Variants in TRAF3IP3 observed in about 807,000 individuals in gnomAD.
TRAF3IP3 encodes the protein TRAF3 interacting protein 3.
In TRAF3IP3, 64 loss-of-function variants were observed where a neutral mutation model predicts 86.5. The ratio of observed to expected loss-of-function variants is 0.74; its 90% CI spans 0.60 to 0.91. The LOEUF (loss-of-function observed/expected upper bound fraction) is 0.91, where lower values mean the gene tolerates loss of function less well. Among genes scored for constraint, TRAF3IP3 ranks in the 40% least tolerant of loss-of-function variants. TRAF3IP3 has a pLI of 0.00. For missense variants in TRAF3IP3, 579 were observed against 642.9 expected, an observed-to-expected ratio of 0.90 and a Z score of 1.07; for synonymous variants, 220 against 243.9, an observed-to-expected ratio of 0.90 and a Z score of 0.91.
At chr1:209,763,635 T>C in intron 8 of TRAF3IP3, 48 bp downstream of exon 8, 1 of 1,460,230 alleles carries the variant, frequency 6.8e-7, no homozygotes, top group Non-Finnish European at 9.5e-7. Flanking sequence ...TTCTATGTGT[T>C]CCCATCTCAT....
intron 8 of TRAF3IP3, among the ~76,000 whole-genome samples, chr1:209,765,477 G>C (rs1412172887): frequency 6.6e-6 from 1 of 151,788 alleles, no homozygotes; most frequent in Non-Finnish European, 1.5e-5. Flanking sequence ...ACCAGCCTGG[G>C]CAACATGGCA....
chr1:209,763,660 C>A, intron 8 of TRAF3IP3, 73 bp downstream of exon 8: 1 of 1,261,716 alleles, frequency 7.9e-7, no homozygotes, highest in Non-Finnish European at 1.1e-6. Flanking sequence ...CTTTCCACAT[C>A]ATCACAGTAA....
At chr1:209,766,027 G>C (rs2077349626) in intron 8 of TRAF3IP3, among the ~76,000 whole-genome samples, 1 of 152,234 alleles carries the variant, frequency 6.6e-6, no homozygotes, top group Non-Finnish European at 1.5e-5. Flanking sequence ...GGTGGAAAGA[G>C]ATGGAGCACA....
intron 11 of TRAF3IP3, 41 bp from the exon 12 acceptor site, chr1:209,777,311 C>T: frequency 6.3e-7 from 1 of 1,581,534 alleles, no homozygotes. Context: ...TCCACCCCAA[C>T]ACTGACCTCC....
intron 1 of TRAF3IP3, among the ~76,000 whole-genome samples, chr1:209,757,095 G>A (rs1305462444): frequency 2.0e-5 from 3 of 152,194 alleles, no homozygotes; most frequent in Non-Finnish European, 4.4e-5. Flanking sequence ...AGAAACCTGG[G>A]TAGGGTTCTA....
At chr1:209,765,884 C>T (rs1287547565) in intron 8 of TRAF3IP3, among the ~76,000 whole-genome samples, 1 of 152,168 alleles carries the variant, frequency 6.6e-6, no homozygotes, top group Non-Finnish European at 1.5e-5. Flanking sequence ...TTGCTGATCC[C>T]TTAAAAGGGT....
In TRAF3IP3 at chr1:209,772,937, AT is replaced by A. The variant is rs766990938; in HGVS notation, c.703-8del. The A allele has an allele frequency of 2.5e-6, 4 of 1,613,368 alleles. No individual in the cohort carries two copies. Among genetic ancestry groups the A allele is most frequent in the Non-Finnish European group, 3.4e-6 (4 of 1,179,686 alleles). On this transcript the variant is annotated splice_polypyrimidine_tract_variant and intron_variant, in intron 8 of 16. Transcript: ENST00000367025. Reference sequence around the variant, plus strand: ...TGCCCCAAGCTCATTAACTCATCCCATTTGCTCCAGGGACAGCTTAATGAAG... The same window carrying A: ...TGCCCCAAGCTCATTAACTCATCCCATTGCTCCAGGGACAGCTTAATGAAG...
At chr1:209,764,704 A>G (rs1252018653) in intron 8 of TRAF3IP3, among the ~76,000 whole-genome samples, 1 of 147,912 alleles carries the variant, frequency 6.8e-6, no homozygotes, top group South Asian at 2.1e-4. Context: ...AGATCACCTC[A>G]TTGCACTCCA....
At chr1:209,757,781 A>C (rs913715296) in intron 1 of TRAF3IP3, among the ~76,000 whole-genome samples, 1 of 152,238 alleles carries the variant, frequency 6.6e-6, no homozygotes, top group Non-Finnish European at 1.5e-5. Context: ...CCTAATAGGA[A>C]TACTTTATGT....
chr1:209,778,253 C>A, intron 13 of TRAF3IP3, 80 bp downstream of exon 13: 1 of 1,163,216 alleles, frequency 8.6e-7, no homozygotes, highest in Non-Finnish European at 1.3e-6. Context: ...AGAGTAGGGA[C>A]TAAGGGCCCA....
chr1:209,773,100 C>T lies in TRAF3IP3; in HGVS notation c.774+81C>T, dbSNP rs143274417. 2,802 of 1,213,128 alleles carry T rather than the reference C, an allele frequency of 2.3e-3. 4 individuals are homozygous for T. The highest frequency in any genetic ancestry group is 3.1e-3 in the Non-Finnish European group (2,618 of 857,474). The allele number at this position is 1,213,128 out of a possible 1,614,324, so 75.1% of individuals were successfully genotyped here. A position where few individuals can be genotyped will look rare whatever the true frequency, so the allele number is the denominator to read the frequency against. ...TGTTTTTGAACCTCAATCTTACTTT[C>T]GAGAAACACCACCAGATAGAGAATA... On this transcript the variant is annotated intron_variant, in intron 9 of 16. Transcript: ENST00000367025.
At chr1:209,777,158 T>C in intron 11 of TRAF3IP3, 194 bp from the exon 12 acceptor site, 1 of 448,654 alleles carries the variant, frequency 2.2e-6, no homozygotes, top group South Asian at 4.8e-5. Flanking sequence ...AATCTGCTGT[T>C]ATAAATATGA....
chr1:209,769,807 T>G (rs1198470467), intron 8 of TRAF3IP3, among the ~76,000 whole-genome samples: 1 of 152,152 alleles, frequency 6.6e-6, no homozygotes, highest in African/African-American at 2.4e-5. Flanking sequence ...AGAGGTGGAA[T>G]TTCAAGACCT....
intron 11 of TRAF3IP3, 39 bp from the exon 12 acceptor site, chr1:209,777,313 C>T: frequency 6.3e-7 from 1 of 1,586,620 alleles, no homozygotes; most frequent in Non-Finnish European, 8.6e-7. Context: ...CACCCCAACA[C>T]TGACCTCCTT....
intron 12 of TRAF3IP3, 44 bp from the exon 13 acceptor site, chr1:209,778,067 A>G (rs879853061): frequency 2.6e-6 from 4 of 1,551,314 alleles, no homozygotes; most frequent in Non-Finnish European, 2.7e-6. Context: ...GAGTTCATTA[A>G]GTCTTGGGTT....
intron 1 of TRAF3IP3, among the ~76,000 whole-genome samples, chr1:209,757,363 G>A (rs138991206): frequency 6.6e-6 from 1 of 152,204 alleles, no homozygotes; most frequent in African/African-American, 2.4e-5. Context: ...CAAGAAGGTA[G>A]GAGGATTCTC....
At chr1:209,762,462 T>A in intron 3 of TRAF3IP3, 53 bp from the exon 4 acceptor site, 2 of 1,407,636 alleles carry the variant, frequency 1.4e-6, no homozygotes, top group Non-Finnish European at 1.9e-6. Flanking sequence ...ATCAGGAGAG[T>A]CTTTCAAGAG....
intron 8 of TRAF3IP3, among the ~76,000 whole-genome samples, chr1:209,772,539 G>A (rs1046934966): frequency 2.6e-5 from 4 of 152,298 alleles, no homozygotes; most frequent in Admixed American, 1.3e-4. Context: ...GGGAGACTGC[G>A]TTAGCCTCAC....
At chr1:209,760,632 A>AT (rs1166041450) in intron 3 of TRAF3IP3, among the ~76,000 whole-genome samples, 1 of 152,208 alleles carries the variant, frequency 6.6e-6, no homozygotes, top group Admixed American at 6.5e-5. Context: ...AGAAAAAATA[A>AT]TTTTTAAAAA....
Sources: allele counts gnomAD v4.1 joint callset (sites outside exome capture counted in the v4.1 genomes callset), GRCh38; gene constraint gnomAD v4.1.1; transcripts MANE v1.5; gene names NCBI Gene and HGNC (gene_info 2026-07-23, HGNC 2026-07-21).